TRIM24: variants seen among roughly 807,000 people sequenced by gnomAD.
TRIM24 encodes transcription intermediary factor 1-alpha.
In TRIM24, 29 loss-of-function variants were observed where a neutral mutation model predicts 123.9. The observed-to-expected ratio is 0.23, with a 90% CI of 0.17 to 0.32. The LOEUF (loss-of-function observed/expected upper bound fraction) is 0.32, where lower values mean the gene tolerates loss of function less well. TRIM24 is among the 10% of genes least tolerant of loss of function. The pLI, the probability that TRIM24 is intolerant of heterozygous loss-of-function variation, is 1.00. For synonymous variants in TRIM24, 456 were observed against 461.1 expected (o/e 0.99, Z 0.14); for missense variants, 932 against 1,295.3 (o/e 0.72, Z 4.31).
At chr7:138,538,837 A>G in intron 7 of TRIM24, 34 bp downstream of exon 7, 1 of 1,584,736 alleles carries the variant, frequency 6.3e-7, no homozygotes, top group Non-Finnish European at 8.6e-7. Context: ...TATACTGTAA[A>G]AATGCACAGT....
At position 138,579,437 on chromosome 7, in the gene TRIM24, A is replaced by C. The variant is rs1244819017; in HGVS notation, c.2490A>C (p.Ala830=). 1.9e-6 allele frequency: 3 copies of C among 1,614,092 alleles called. No individual in the cohort carries two copies. Among genetic ancestry groups the C allele is most frequent in the East Asian group, 2.2e-5 (1 of 44,890 alleles). The part of the protein sequence containing the change: ...KEDDPNEDWC[A]VCQNGGELLC... ...ATGACCCCAATGAGGACTGGTGTGC[A>C]GTTTGTCAAAACGGAGGGGAACTCC... is the stretch of plus-strand genomic sequence containing the variant. Residue 830 remains alanine, a synonymous_variant, in exon 15 of 19, where the codon GCA becomes GCC. Transcript: ENST00000343526.
At chr7:138,463,611 CAT>C (rs1291290185) in intron 1 of TRIM24, among the ~76,000 whole-genome samples, 4 of 152,168 alleles carry the variant, frequency 2.6e-5, no homozygotes, top group African/African-American at 9.7e-5. Context: ...AGAATTATGA[CAT>C]ATTGTTTGCC....
intron 7 of TRIM24, among the ~76,000 whole-genome samples, chr7:138,540,477 CT>C (rs1216700129): frequency 6.6e-6 from 1 of 152,214 alleles, no homozygotes; most frequent in Non-Finnish European, 1.5e-5. Context: ...CAAAAAACCA[CT>C]TTTCTGTGCT....
At chr7:138,515,182 A>G (rs749006983) in intron 2 of TRIM24, 30 bp from the exon 3 acceptor site, 10 of 1,589,926 alleles carry the variant, frequency 6.3e-6, no homozygotes, top group African/African-American at 1.3e-5. Context: ...CATTTTCTCA[A>G]AAATTTACGT....
intron 17 of TRIM24, among the ~76,000 whole-genome samples, chr7:138,583,166 C>T (rs965724885): frequency 6.6e-6 from 1 of 152,102 alleles, no homozygotes; most frequent in South Asian, 2.1e-4. Flanking sequence ...GGGATTAAAC[C>T]CAGATTCAAA....
At position 138,519,772 on chromosome 7, in the gene TRIM24, G is replaced by A. The variant is rs114835190; in HGVS notation, c.764+451G>A. On this transcript the variant is annotated intron_variant, in intron 4 of 18. Coordinates refer to ENST00000343526, the MANE Select transcript of TRIM24 (RefSeq NM_015905.3). ...AGATTTCTGGCTTTTTTGAGAAAAC[G>A]GAAGCTGTTCTAGCCCTGGGTCTGT... 4.9e-3 allele frequency among the ~76,000 whole-genome samples: 749 copies of A among 152,038 alleles called. 3 individuals are homozygous for A. The highest frequency in any genetic ancestry group is 0.017 in the African/African-American group (719 of 41,486).
chr7:138,501,614 G>A (rs549663491), intron 1 of TRIM24, among the ~76,000 whole-genome samples: 75 of 152,190 alleles, frequency 4.9e-4, no homozygotes, highest in Middle Eastern at 3.4e-3. Flanking sequence ...GTGGCCAGGC[G>A]TGGTGGGTCA....
intron 7 of TRIM24, among the ~76,000 whole-genome samples, chr7:138,542,750 T>A (rs1372126218): frequency 6.6e-6 from 1 of 152,218 alleles, no homozygotes; most frequent in Non-Finnish European, 1.5e-5. Flanking sequence ...TATACAATTT[T>A]AAAATAAGGA....
chr7:138,490,952 A>G, intron 1 of TRIM24: 1 of 332,098 alleles, frequency 3.0e-6, no homozygotes, highest in Non-Finnish European at 5.8e-6. Flanking sequence ...TAAAACCAAT[A>G]CAGAACAAAT....
chr7:138,493,968 T>C (rs886628311), intron 1 of TRIM24, among the ~76,000 whole-genome samples: 3 of 152,212 alleles, frequency 2.0e-5, no homozygotes, highest in Non-Finnish European at 4.4e-5. Context: ...TTATTGTTGT[T>C]GTTGTTGTTG....
intron 14 of TRIM24, 113 bp from the exon 15 acceptor site, chr7:138,579,091 A>T: frequency 1.2e-6 from 1 of 802,976 alleles, no homozygotes; most frequent in East Asian, 2.7e-5. Flanking sequence ...CCTTCTCCTG[A>T]AGATTCCTTT....
intron 1 of TRIM24, among the ~76,000 whole-genome samples, chr7:138,477,049 C>A (rs959436273): frequency 1.8e-5 from 1 of 54,910 alleles, no homozygotes; most frequent in Non-Finnish European, 4.2e-5. Context: ...ATATGCTACC[C>A]TTTGTGTCTC....
At chr7:138,528,888 T>C (rs1796669294) in intron 5 of TRIM24, among the ~76,000 whole-genome samples, 1 of 150,754 alleles carries the variant, frequency 6.6e-6, no homozygotes, top group Non-Finnish European at 1.5e-5. Flanking sequence ...TCTAATTTTA[T>C]ATATATTTTT....
At chr7:138,504,445 CTCTT>C in intron 2 of TRIM24, 37 bp downstream of exon 2, 2 of 311,370 alleles carry the variant, frequency 6.4e-6, no homozygotes, top group Non-Finnish European at 4.9e-6. Flanking sequence ...TGCCTGCCAG[CTCTT>C]TTTTTTTTTT....
chr7:138,578,360 C>G (rs1030511822), intron 14 of TRIM24, among the ~76,000 whole-genome samples: 1 of 152,128 alleles, frequency 6.6e-6, no homozygotes, highest in Admixed American at 6.6e-5. Flanking sequence ...CCTGAATATG[C>G]ACTTAACCAA....
intron 1 of TRIM24, among the ~76,000 whole-genome samples, chr7:138,469,432 C>A (rs1795223002): frequency 6.6e-6 from 1 of 151,846 alleles, no homozygotes; most frequent in Non-Finnish European, 1.5e-5. Context: ...CGTCAGCCTC[C>A]CAAGTAGCTG....
At chr7:138,516,026 G>A (rs981450643) in intron 3 of TRIM24, among the ~76,000 whole-genome samples, 26 of 152,140 alleles carry the variant, frequency 1.7e-4, no homozygotes, top group Admixed American at 1.3e-4. Context: ...CTGGCCGGGC[G>A]CGGTGGCTCA....
intron 3 of TRIM24, among the ~76,000 whole-genome samples, chr7:138,518,817 A>G (rs1366018835): frequency 6.6e-6 from 1 of 152,040 alleles, no homozygotes; most frequent in Non-Finnish European, 1.5e-5. Context: ...TCCAAATTGC[A>G]TTTTCAAAAA....
intron 4 of TRIM24, among the ~76,000 whole-genome samples, chr7:138,522,255 G>A (rs555032970): frequency 1.4e-4 from 21 of 151,894 alleles, no homozygotes; most frequent in Middle Eastern, 3.4e-3. Flanking sequence ...AGAATCACTC[G>A]AACCCAGGAG....
Sources: allele counts gnomAD v4.1 joint callset (sites outside exome capture counted in the v4.1 genomes callset), GRCh38; gene constraint gnomAD v4.1.1; transcripts MANE v1.5; gene names NCBI Gene and HGNC (gene_info 2026-07-23, HGNC 2026-07-21).